WHRN: variants seen among roughly 807,000 people sequenced by gnomAD.
The protein encoded by WHRN is CASK-interacting protein CIP98.
Under a neutral mutation model 68.3 loss-of-function variants are expected in WHRN, and 41 were observed. The ratio of observed to expected loss-of-function variants is 0.60; its 90% CI spans 0.47 to 0.78. The LOEUF (loss-of-function observed/expected upper bound fraction) is 0.78. WHRN is among the 30% of genes least tolerant of loss of function. The pLI is 0.00. For missense variants in WHRN, 1,243 were observed against 1,244.7 expected (o/e 1.00, Z 0.02); for synonymous variants, 560 against 561.3 (o/e 1.00, Z 0.03).
intron 1 of WHRN, among the ~76,000 whole-genome samples, chr9:114,487,131 C>T (rs947127217): frequency 6.9e-6 from 1 of 145,028 alleles, no homozygotes; most frequent in Non-Finnish European, 1.5e-5. Flanking sequence ...TTAAATTAGT[C>T]AATATATATA....
At position 114,406,677 on chromosome 9, in the gene WHRN, C is replaced by A; in HGVS notation, c.1914G>T (p.Gly638=). 1.2e-6 allele frequency: 2 copies of A among 1,613,958 alleles called. No individual in the cohort carries two copies. Among genetic ancestry groups the A allele is most frequent in the Non-Finnish European group, 1.7e-6 (2 of 1,180,016 alleles). Residue 638 remains glycine (G), a synonymous_variant, in exon 9 of 12, where the codon GGG becomes GGT. Transcript: ENST00000362057. The part of the protein sequence containing the change: ...SPPAGTAPTP[G]TSSAQDLPSS... ...AGGGCAAGTCCTGTGCAGAGGAGGT[C>A]CCTGGGGTGGGTGCGGTGCCCGCTG...
chr9:114,442,417 T>C (rs1408254017), intron 3 of WHRN, among the ~76,000 whole-genome samples: 3 of 152,020 alleles, frequency 2.0e-5, no homozygotes, highest in African/African-American at 7.2e-5. Context: ...AGGCATGAGA[T>C]AGACAACTCC....
chr9:114,467,236 G>T (rs1293374193), intron 2 of WHRN, among the ~76,000 whole-genome samples: 1 of 152,084 alleles, frequency 6.6e-6, no homozygotes, highest in Non-Finnish European at 1.5e-5. Flanking sequence ...GACCATGATG[G>T]TCCCTGGCTC....
chr9:114,476,694 C>T (rs1359067962), intron 2 of WHRN, among the ~76,000 whole-genome samples: 1 of 152,158 alleles, frequency 6.6e-6, no homozygotes. Flanking sequence ...ACTCCCATAA[C>T]ATCGTCAAGC....
At position 114,505,043 on chromosome 9, in the gene WHRN, G is replaced by T; in HGVS notation, c.-242C>A. 1 of 500,768 alleles carries T rather than the reference G, an allele frequency of 2.0e-6. No homozygotes were observed. Among genetic ancestry groups the T allele is most frequent in the Non-Finnish European group, 3.2e-6 (1 of 313,096 alleles). The allele number at this position is 500,768 out of a possible 1,614,324, so 31.0% of individuals were successfully genotyped here. On this transcript the variant is annotated 5_prime_UTR_variant, in exon 1 of 12. Coordinates refer to ENST00000362057, the MANE Select transcript of WHRN (RefSeq NM_015404.4). The stretch of plus-strand genomic sequence containing the variant: ...GGAATCCGGGGGACGCGGAGACGTC[G>T]GCGGGTTCCTGAGAGACACAAGAGT...
At chr9:114,432,799 G>A (rs962822624) in intron 3 of WHRN, among the ~76,000 whole-genome samples, 1 of 152,160 alleles carries the variant, frequency 6.6e-6, no homozygotes, top group Admixed American at 6.5e-5. Flanking sequence ...AACTGCATGG[G>A]TCTCCATGGG....
intron 1 of WHRN, among the ~76,000 whole-genome samples, chr9:114,497,858 C>T (rs192894220): frequency 1.4e-4 from 21 of 152,284 alleles, no homozygotes; most frequent in African/African-American, 9.6e-5. Flanking sequence ...TAGTCATTTG[C>T]TCCCCACAGC....
At chr9:114,474,845 C>G (rs907106909) in intron 2 of WHRN, among the ~76,000 whole-genome samples, 1 of 152,170 alleles carries the variant, frequency 6.6e-6, no homozygotes, top group African/African-American at 2.4e-5. Context: ...CAGAATTGAC[C>G]TTGACCCTGG....
At position 114,406,424 on chromosome 9, in the gene WHRN, T is replaced by G; in HGVS notation, c.2167A>C (p.Met723Leu). The G allele has an allele frequency of 6.2e-7, 1 of 1,614,130 alleles. No homozygotes were observed. Among genetic ancestry groups the G allele is most frequent in the Non-Finnish European group, 8.5e-7 (1 of 1,180,030 alleles). Reference sequence around the variant, plus strand: ...CTGTCGGGGCGGTGGACCTCCACCATGACAAAGTGCTGGTTTGTGCCTGTC... The same window carrying G: ...CTGTCGGGGCGGTGGACCTCCACCAGGACAAAGTGCTGGTTTGTGCCTGTC... ...DQTGTNQHFV[M>L]VEVHRPDSEP... is the part of the protein sequence containing the mutation. Residue 723 changes from methionine (M) to leucine (L), a missense_variant, in exon 9 of 12, where the codon ATG becomes CTG. Coordinates refer to ENST00000362057, the MANE Select transcript of WHRN (RefSeq NM_015404.4).
chr9:114,453,156 C>A (rs1192143673), intron 3 of WHRN, among the ~76,000 whole-genome samples: 2 of 152,220 alleles, frequency 1.3e-5, no homozygotes, highest in African/African-American at 2.4e-5. Flanking sequence ...GTGGTGCTGG[C>A]ATCTGCTTCT....
At position 114,413,122 on chromosome 9, in the gene WHRN, C is replaced by T. The variant is rs146467826; in HGVS notation, c.1627-5104G>A. ...ATGTGGGGAAACTGAGGCACTGAGTCACAAAGGCCTCTGGATATTCGCCAG... is the reference window on the plus strand; with the variant it reads ...ATGTGGGGAAACTGAGGCACTGAGTTACAAAGGCCTCTGGATATTCGCCAG... On this transcript the variant is annotated intron_variant, in intron 7 of 11. Coordinates refer to ENST00000362057, the MANE Select transcript of WHRN (RefSeq NM_015404.4). Among the ~76,000 whole-genome samples the T allele has an allele frequency of 7.9e-5, 12 of 152,304 alleles. No individual in the cohort carries two copies. The East Asian group carries it at 2.1e-3, about 27-fold the overall frequency.
At chr9:114,461,184 C>T (rs951431243) in intron 3 of WHRN, among the ~76,000 whole-genome samples, 5 of 152,248 alleles carry the variant, frequency 3.3e-5, no homozygotes, top group Admixed American at 2.6e-4. Flanking sequence ...GCCTTGTTTC[C>T]GAACGGAAAT....
chr9:114,478,819 T>C, intron 1 of WHRN, 48 bp from the exon 2 acceptor site: 2 of 1,561,392 alleles, frequency 1.3e-6, no homozygotes, highest in Non-Finnish European at 1.7e-6. Flanking sequence ...GTGCCGGGGG[T>C]GTGGAGGAAC....
chr9:114,473,433 G>C (rs1053763371), intron 2 of WHRN, among the ~76,000 whole-genome samples: 1 of 152,214 alleles, frequency 6.6e-6, no homozygotes, highest in Admixed American at 6.5e-5. Flanking sequence ...GCATAAGCCT[G>C]AGATATGAGC....
intron 3 of WHRN, among the ~76,000 whole-genome samples, chr9:114,431,635 G>C (rs1348997472): frequency 6.6e-6 from 1 of 152,158 alleles, no homozygotes; most frequent in African/African-American, 2.4e-5. Flanking sequence ...GAGGCAGCAT[G>C]TTTAAAGATC....
chr9:114,467,671 G>A (rs983399341), intron 2 of WHRN, among the ~76,000 whole-genome samples: 8 of 152,128 alleles, frequency 5.3e-5, no homozygotes, highest in Non-Finnish European at 8.8e-5. Flanking sequence ...GGGTGGCTGC[G>A]GGCAGATTCT....
chr9:114,404,432 C>A (rs989677166), intron 9 of WHRN, among the ~76,000 whole-genome samples: 1 of 152,214 alleles, frequency 6.6e-6, no homozygotes, highest in Admixed American at 6.5e-5. Context: ...CATAATGCTA[C>A]CAATTTTTAA....
At chr9:114,438,431 C>T (rs1002977669) in intron 3 of WHRN, among the ~76,000 whole-genome samples, 2 of 151,428 alleles carry the variant, frequency 1.3e-5, no homozygotes, top group African/African-American at 2.4e-5. Context: ...CAACACTTAA[C>T]GGAATCCCAC....
intron 2 of WHRN, among the ~76,000 whole-genome samples, chr9:114,473,000 A>G (rs1589219159): frequency 6.6e-6 from 1 of 152,206 alleles, no homozygotes; most frequent in East Asian, 1.9e-4. Context: ...GCTGAGCCCA[A>G]AGCCCCTGCT....
Sources: gnomAD v4.1 joint callset for allele counts (sites outside exome capture counted in the v4.1 genomes callset) on GRCh38, gnomAD v4.1.1 for gene constraint, MANE v1.5 for transcripts, NCBI Gene and HGNC (gene_info 2026-07-23, HGNC 2026-07-21) for gene names.